Variants in ST8SIA4 observed in about 807,000 individuals in gnomAD.
ST8SIA4 encodes the protein CMP-N-acetylneuraminate-poly-alpha-2,8-sialyltransferase.
Under a neutral mutation model 33.9 loss-of-function variants are expected in ST8SIA4, and 15 were observed. That is an observed-to-expected ratio of 0.44 (90% CI 0.30 to 0.68). ST8SIA4 has a LOEUF of 0.68. Ranked by LOEUF, ST8SIA4 falls within the 30% of genes least tolerant of loss-of-function variation. The pLI is 0.10. For missense variants in ST8SIA4, 321 were observed against 428.0 expected (o/e 0.75, Z 2.21); for synonymous variants, 171 against 151.2 (o/e 1.13, Z -0.96).
At chr5:100,882,863 C>G (rs972054621) in intron 3 of ST8SIA4, among the ~76,000 whole-genome samples, 1 of 152,224 alleles carries the variant, frequency 6.6e-6, no homozygotes, top group Non-Finnish European at 1.5e-5. Flanking sequence ...GGAACCTCTG[C>G]CTAGACTTCT....
chr5:100,834,906 T>C (rs1177390049), intron 4 of ST8SIA4, among the ~76,000 whole-genome samples: 1 of 152,094 alleles, frequency 6.6e-6, no homozygotes, highest in Non-Finnish European at 1.5e-5. Flanking sequence ...TAAATCCCTT[T>C]TATTTATAAA....
intron 3 of ST8SIA4, among the ~76,000 whole-genome samples, chr5:100,876,404 C>T (rs1752306988): frequency 6.6e-6 from 1 of 152,036 alleles, no homozygotes; most frequent in Admixed American, 6.6e-5. Context: ...CAATGCCTAA[C>T]CAAATTTGTC....
chr5:100,808,788 G>C lies in ST8SIA4; in HGVS notation c.*3059C>G, dbSNP rs541983306. ...GATCTTGCTCTGTTTCCATAAAAAG[G>C]CCACAGTAGATAGTTAAAATGGGAG... On this transcript the variant is annotated 3_prime_UTR_variant, in exon 5 of 5. Transcript: ENST00000231461. 3.3e-5 allele frequency: 5 copies of C among 152,508 alleles called. No individual in the cohort carries two copies. Among genetic ancestry groups the C allele is most frequent in the African/African-American group, 1.2e-4 (5 of 41,392 alleles). The allele number at this position is 152,508 out of a possible 1,614,324, so 9.4% of individuals were successfully genotyped here. A position where few individuals can be genotyped will look rare whatever the true frequency, so the allele number is the denominator to read the frequency against.
intron 4 of ST8SIA4, among the ~76,000 whole-genome samples, chr5:100,841,380 G>A (rs897354387): frequency 2.0e-5 from 3 of 151,808 alleles, no homozygotes; most frequent in Non-Finnish European, 2.9e-5. Flanking sequence ...GATAGGGTCT[G>A]GAGGCAGGGA....
At chr5:100,835,392 T>A (rs1035336315) in intron 4 of ST8SIA4, among the ~76,000 whole-genome samples, 1 of 152,118 alleles carries the variant, frequency 6.6e-6, no homozygotes, top group East Asian at 1.9e-4. Context: ...GGAAAATGCA[T>A]GGGAAAAACT....
intron 4 of ST8SIA4, among the ~76,000 whole-genome samples, chr5:100,849,697 A>G (rs577897547): frequency 6.6e-6 from 1 of 152,136 alleles, no homozygotes; most frequent in Non-Finnish European, 1.5e-5. Flanking sequence ...AGGCTGAGGC[A>G]GAAGAATCAA....
intron 2 of ST8SIA4, among the ~76,000 whole-genome samples, chr5:100,894,388 C>G (rs190573400): frequency 5.7e-4 from 87 of 152,178 alleles, no homozygotes; most frequent in African/African-American, 2.1e-3. Flanking sequence ...TTTATGAGCT[C>G]TGTCATCAGA....
intron 4 of ST8SIA4, among the ~76,000 whole-genome samples, chr5:100,842,117 T>A (rs1751482933): frequency 6.6e-6 from 1 of 151,954 alleles, no homozygotes. Context: ...TAGAATTTTT[T>A]AATGAAAAAT....
At chr5:100,834,968 T>C (rs1429451814) in intron 4 of ST8SIA4, among the ~76,000 whole-genome samples, 1 of 152,106 alleles carries the variant, frequency 6.6e-6, no homozygotes, top group African/African-American at 2.4e-5. Flanking sequence ...GCCTAACACA[T>C]CCGGCCTTCT....
intron 3 of ST8SIA4, among the ~76,000 whole-genome samples, chr5:100,860,922 A>C (rs1360167603): frequency 1.3e-5 from 2 of 152,196 alleles, no homozygotes; most frequent in Non-Finnish European, 2.9e-5. Flanking sequence ...AATTTTGAGC[A>C]GTTATTAAAC....
At chr5:100,845,584 C>G (rs575682433) in intron 4 of ST8SIA4, among the ~76,000 whole-genome samples, 1 of 151,918 alleles carries the variant, frequency 6.6e-6, no homozygotes, top group East Asian at 1.9e-4. Flanking sequence ...CCTTCTATCA[C>G]TCATTAAAAG....
At chr5:100,846,285 C>T (rs1013421754) in intron 4 of ST8SIA4, among the ~76,000 whole-genome samples, 5 of 151,888 alleles carry the variant, frequency 3.3e-5, no homozygotes, top group Admixed American at 1.3e-4. Flanking sequence ...CTCTAGAGAA[C>T]TAACTGAACC....
intron 4 of ST8SIA4, among the ~76,000 whole-genome samples, chr5:100,849,683 G>C (rs1292876619): frequency 2.6e-5 from 4 of 151,954 alleles, no homozygotes; most frequent in African/African-American, 9.7e-5. Flanking sequence ...CGCAGCTACT[G>C]GGGAGGCTGA....
chr5:100,828,926 C>A (rs1469720625), intron 4 of ST8SIA4, among the ~76,000 whole-genome samples: 2 of 151,900 alleles, frequency 1.3e-5, no homozygotes, highest in East Asian at 3.9e-4. Flanking sequence ...AGGAAAAGAA[C>A]AAAGACTTGT....
intron 2 of ST8SIA4, chr5:100,890,520 T>C (rs1435252510): frequency 2.0e-5 from 3 of 151,914 alleles, no homozygotes; most frequent in African/African-American, 7.2e-5. Context: ...ATCTGCGCTC[T>C]ATCTAGAGAC....
chr5:100,832,264 G>A (rs531322680), intron 4 of ST8SIA4, among the ~76,000 whole-genome samples: 2 of 151,736 alleles, frequency 1.3e-5, no homozygotes, highest in East Asian at 3.9e-4. Context: ...GCTCTATTGG[G>A]GCACCACAGT....
rs1417789672 is a variant in ST8SIA4, at chr5:100,811,096, GA to G, written c.*750del. Reference sequence around the variant, plus strand: ...GGAGGCTGAGGCAGGAGAATGGAGTGAACTTGGGAGGCGGAGCTTGCAGTGA... The same window carrying G: ...GGAGGCTGAGGCAGGAGAATGGAGTGACTTGGGAGGCGGAGCTTGCAGTGA... On this transcript the variant is annotated 3_prime_UTR_variant, in exon 5 of 5. Transcript: ENST00000231461. 10 of 150,860 alleles carry G rather than the reference GA, an allele frequency of 6.6e-5. No homozygotes were observed. The highest frequency in any genetic ancestry group is 5.9e-4 in the Admixed American group (9 of 15,142). The allele number at this position is 150,860 out of a possible 1,614,324, so 9.3% of individuals were successfully genotyped here.
intron 1 of ST8SIA4, chr5:100,900,598 A>G (rs1226400357): frequency 6.9e-6 from 3 of 433,324 alleles, no homozygotes; most frequent in East Asian, 1.4e-4. Flanking sequence ...AACTCCTTGC[A>G]CAGTCTTGGT....
intron 4 of ST8SIA4, among the ~76,000 whole-genome samples, chr5:100,824,618 T>TA (rs1751100409): frequency 6.6e-6 from 1 of 152,066 alleles, no homozygotes; most frequent in Non-Finnish European, 1.5e-5. Context: ...AGGAACTCTG[T>TA]TATATATCTC....
Sources: gnomAD v4.1 joint callset for allele counts (sites outside exome capture counted in the v4.1 genomes callset) on GRCh38, gnomAD v4.1.1 for gene constraint, MANE v1.5 for transcripts, NCBI Gene and HGNC (gene_info 2026-07-23, HGNC 2026-07-21) for gene names.